ROR2: variants seen among roughly 807,000 people sequenced by gnomAD.
ROR2 encodes the protein ROR family WNT receptor 2, also known as tyrosine-protein kinase transmembrane receptor ROR2.
In ROR2, 33 loss-of-function variants were observed where a neutral mutation model predicts 74.9. The ratio of observed to expected loss-of-function variants is 0.44; its 90% CI spans 0.33 to 0.59. The LOEUF is 0.59. Among genes scored for constraint, ROR2 ranks in the 20% least tolerant of loss-of-function variants. The pLI is 0.02. For missense variants in ROR2, 1,216 were observed against 1,313.8 expected (o/e 0.93, Z 1.15); for synonymous variants, 586 against 558.7 (o/e 1.05, Z -0.69).
chr9:91,815,117 A>C (rs543733173), intron 1 of ROR2, among the ~76,000 whole-genome samples: 33 of 152,348 alleles, frequency 2.2e-4, no homozygotes, highest in Middle Eastern at 3.4e-3. Flanking sequence ...TCTTGTAGGG[A>C]ATTGAGGAGT....
In ROR2 at chr9:91,949,988, G is replaced by A; in HGVS notation, c.-25C>T. The stretch of plus-strand genomic sequence containing the variant: ...TGCCGCAGGCAGTGGGGGCCGGGAA[G>A]CCCTCAGAGCTTCGGGCCGGGGCGC... On this transcript the variant is annotated 5_prime_UTR_variant, in exon 1 of 9. Transcript: ENST00000375708. The A allele has an allele frequency of 7.6e-7, 1 of 1,322,340 alleles. No homozygotes were observed. The highest frequency in any genetic ancestry group is 9.8e-7 in the Non-Finnish European group (1 of 1,019,860). 81.9% of individuals were successfully genotyped at this position (1,322,340 alleles called of 1,614,324 possible).
chr9:91,722,650 G>A lies in ROR2; in HGVS notation c.*1012C>T, dbSNP rs924635725. The A allele has an allele frequency of 5.1e-6, 4 of 779,360 alleles. No homozygotes were observed. In the Admixed American group the frequency reaches 6.8e-5, roughly 13 times the overall value. The allele number at this position is 779,360 out of a possible 1,614,324, so 48.3% of individuals were successfully genotyped here. ...CACCGGGTGTGGGATTTACAAATAG[G>A]ACCAACAATGTGTGCGGGGCACAGA... On this transcript the variant is annotated 3_prime_UTR_variant, in exon 9 of 9. Transcript: ENST00000375708.
chr9:91,739,578 C>A (rs1825150101), intron 4 of ROR2, among the ~76,000 whole-genome samples: 1 of 150,030 alleles, frequency 6.7e-6, no homozygotes, highest in African/African-American at 2.5e-5. Flanking sequence ...AAATCCCTAT[C>A]TGAACTCTCT....
chr9:91,723,573 G>A lies in ROR2; in HGVS notation c.*89C>T. On this transcript the variant is annotated 3_prime_UTR_variant, in exon 9 of 9. Coordinates refer to ENST00000375708, the MANE Select transcript of ROR2 (RefSeq NM_004560.4). ...CACTGGCCGGCGGGCTCTTGTGATT[G>A]CTGAGTATGGTGTCTTCTCAAAGGT... 3 of 1,543,042 alleles carry A rather than the reference G, an allele frequency of 1.9e-6. No individual in the cohort carries two copies. In the East Asian group the frequency reaches 6.8e-5, roughly 35 times the overall value.
At chr9:91,819,910 C>T (rs1332578859) in intron 1 of ROR2, among the ~76,000 whole-genome samples, 1 of 151,438 alleles carries the variant, frequency 6.6e-6, no homozygotes, top group East Asian at 1.9e-4. Flanking sequence ...GTATGTGTGT[C>T]TGTCTTGGAG....
rs3802377 is a variant in ROR2, at chr9:91,775,885, T to C, written c.98-67A>G. On this transcript the variant is annotated intron_variant, in intron 1 of 8. Coordinates refer to ENST00000375708, the MANE Select transcript of ROR2 (RefSeq NM_004560.4). The stretch of plus-strand genomic sequence containing the variant: ...TTTCAGGAGCCTTTAATTTGCTTCT[T>C]ATGCAAAGACAACAGCATTCTAGCA... 0.044 allele frequency: 59,203 copies of C among 1,359,820 alleles called. 3,388 individuals carry two copies. Among genetic ancestry groups the C allele is most frequent in the Admixed American group, 0.23 (12,834 of 54,748 alleles). 84.2% of individuals were successfully genotyped at this position (1,359,820 alleles called of 1,614,324 possible).
Position 91,766,311 on chromosome 9 carries a change from C to T in ROR2, c.176-8752G>A, listed in dbSNP as rs113461011. On this transcript the variant is annotated intron_variant, in intron 2 of 8. Coordinates refer to ENST00000375708, the MANE Select transcript of ROR2 (RefSeq NM_004560.4). The stretch of plus-strand genomic sequence containing the variant: ...TTGGGCTGTTCTCCAAAGCTGCAAA[C>T]GTAGTGGGCTACCTCAAGTGGCTTC... Among the ~76,000 whole-genome samples the T allele has an allele frequency of 3.9e-5, 6 of 152,350 alleles. No homozygotes were observed. The South Asian group carries it at 1.0e-3, about 26-fold the overall frequency.
intron 1 of ROR2, among the ~76,000 whole-genome samples, chr9:91,824,891 A>G (rs1563984108): frequency 6.6e-6 from 1 of 152,168 alleles, no homozygotes; most frequent in Non-Finnish European, 1.5e-5. Context: ...CTTCTCTGAC[A>G]AAACAGGGCC....
chr9:91,783,394 T>C (rs890539259), intron 1 of ROR2, among the ~76,000 whole-genome samples: 1 of 152,134 alleles, frequency 6.6e-6, no homozygotes, highest in Non-Finnish European at 1.5e-5. Flanking sequence ...AGTGCCTCGC[T>C]GAGAAGGGAT....
intron 4 of ROR2, among the ~76,000 whole-genome samples, chr9:91,745,748 T>C (rs1419054229): frequency 1.3e-5 from 2 of 152,156 alleles, no homozygotes; most frequent in Non-Finnish European, 2.9e-5. Context: ...TTTAGAAATG[T>C]GTATCTATTC....
chr9:91,891,400 CTGGG>C (rs1830416524), intron 1 of ROR2, among the ~76,000 whole-genome samples: 1 of 152,130 alleles, frequency 6.6e-6, no homozygotes, highest in African/African-American at 2.4e-5. Context: ...TCCTGAGTAG[CTGGG>C]ATTACAGGCA....
intron 1 of ROR2, among the ~76,000 whole-genome samples, chr9:91,835,941 G>A (rs1244171406): frequency 1.3e-5 from 2 of 152,208 alleles, no homozygotes; most frequent in Admixed American, 1.3e-4. Context: ...TTTTGTGATC[G>A]TCACTTCCCT....
chr9:91,809,693 C>A (rs551428721), intron 1 of ROR2, among the ~76,000 whole-genome samples: 1 of 152,236 alleles, frequency 6.6e-6, no homozygotes. Flanking sequence ...TGGCTTGAGG[C>A]GTCTGGGGTA....
At chr9:91,948,374 C>A (rs549291971) in intron 1 of ROR2, among the ~76,000 whole-genome samples, 3 of 152,304 alleles carry the variant, frequency 2.0e-5, no homozygotes, top group African/African-American at 7.2e-5. Context: ...CTGGGAGATT[C>A]TTGGGGGAGG....
chr9:91,798,324 C>T (rs1311607471), intron 1 of ROR2, among the ~76,000 whole-genome samples: 1 of 137,330 alleles, frequency 7.3e-6, no homozygotes, highest in African/African-American at 2.9e-5. Flanking sequence ...GTGCGGCTGA[C>T]GCCCTGGGCT....
In ROR2 at chr9:91,731,126, C is replaced by T; in HGVS notation, c.967G>A (p.Asp323Asn). ...GTGGTGCTTGCCGTTCCTCTGTAATCCATGCCTGAGCCGTTATAGCACTGA... is the reference window on the plus strand; with the variant it reads ...GTGGTGCTTGCCGTTCCTCTGTAATTCATGCCTGAGCCGTTATAGCACTGA... Reference protein sequence around the residue: ...YHQCYNGSGMDYRGTASTTKS... With the variant: ...YHQCYNGSGMNYRGTASTTKS... The change falls in exon 7 of 9, where the codon GAT (aspartate) becomes AAT (asparagine). Residue 323 changes from aspartate to asparagine, a missense_variant. Asp to Asn is a conservative substitution (Grantham distance 23). Transcript: ENST00000375708. 2 of 1,614,124 alleles carry T rather than the reference C, an allele frequency of 1.2e-6. No homozygotes were observed. The highest frequency in any genetic ancestry group is 2.2e-5 in the East Asian group (1 of 44,878).
intron 1 of ROR2, among the ~76,000 whole-genome samples, chr9:91,783,524 T>C (rs1564273726): frequency 6.6e-6 from 1 of 152,112 alleles, no homozygotes; most frequent in Admixed American, 6.5e-5. Flanking sequence ...CTCTCACTTA[T>C]ATGGAAGCCA....
chr9:91,870,371 A>G (rs1039465050), intron 1 of ROR2, among the ~76,000 whole-genome samples: 2 of 152,236 alleles, frequency 1.3e-5, no homozygotes, highest in African/African-American at 2.4e-5. Context: ...AGCAGGGTAC[A>G]CACCGGGATC....
intron 1 of ROR2, among the ~76,000 whole-genome samples, chr9:91,946,770 T>C (rs999129575): frequency 2.0e-5 from 3 of 150,000 alleles, no homozygotes; most frequent in African/African-American, 7.4e-5. Context: ...CTAATAACTT[T>C]TCCCATCCTG....
Sources: gnomAD v4.1 joint callset for allele counts (sites outside exome capture counted in the v4.1 genomes callset) on GRCh38, gnomAD v4.1.1 for gene constraint, MANE v1.5 for transcripts, NCBI Gene and HGNC (gene_info 2026-07-23, HGNC 2026-07-21) for gene names.